Variants in NFASC observed in about 807,000 individuals in gnomAD.
The protein encoded by NFASC is neurofascin homolog.
Under a neutral mutation model 147.5 loss-of-function variants are expected in NFASC, and 43 were observed. The observed-to-expected ratio is 0.29, with a 90% CI of 0.23 to 0.38. NFASC has a LOEUF of 0.38. Ranked by LOEUF, NFASC falls within the 10% of genes least tolerant of loss-of-function variation. NFASC has a pLI of 1.00. For missense variants in NFASC, 1,320 were observed against 1,689.0 expected (o/e 0.78, Z 3.83); for synonymous variants, 622 against 665.5 (o/e 0.93, Z 1.01).
rs1414796256 is a variant in NFASC at position 204,941,224 on chromosome 1, T to A, written c.-90-3002T>A. 2.0e-5 allele frequency among the ~76,000 whole-genome samples: 3 copies of A among 152,218 alleles called. No homozygotes were observed. The South Asian group carries it at 6.2e-4, about 32-fold the overall frequency. On this transcript the variant is annotated intron_variant, in intron 2 of 29. Coordinates refer to ENST00000339876, the MANE Select transcript of NFASC (RefSeq NM_001005388.3). ...TCATCTGAAAAGAAAGGGGATTGGA[T>A]GAATCTAGTGTTCTTTAAATTCTTT...
intron 27 of NFASC, among the ~76,000 whole-genome samples, chr1:205,003,671 C>A (rs1471091511): frequency 6.6e-6 from 1 of 152,136 alleles, no homozygotes; most frequent in Non-Finnish European, 1.5e-5. Flanking sequence ...AGATGCAGGT[C>A]ATTAGATACA....
In NFASC at chr1:204,889,137, C is replaced by T. The variant is rs145557507; in HGVS notation, c.-199-31495C>T. The stretch of plus-strand genomic sequence containing the variant: ...CCTGTCTGCACAACCTCGAATTTCT[C>T]TTACCTGATTTCAGGGAATATTGTG... On this transcript the variant is annotated intron_variant, in intron 1 of 29. Coordinates refer to ENST00000339876, the MANE Select transcript of NFASC (RefSeq NM_001005388.3). Among the ~76,000 whole-genome samples, 114 of 152,328 alleles carry T rather than the reference C, an allele frequency of 7.5e-4. 1 individual carries two copies. Among genetic ancestry groups the T allele is most frequent in the South Asian group, 4.4e-3 (21 of 4,822 alleles).
rs192127437 is a variant in NFASC, at chr1:204,831,930, C to T, written c.-200+3148C>T. On this transcript the variant is annotated intron_variant, in intron 1 of 29. Transcript: ENST00000339876. Reference sequence around the variant, plus strand: ...ACAGATAAGCTTGAGCAAGAGCATCCGGATAGGGATGTTACACAGCGGGAT... The same window carrying T: ...ACAGATAAGCTTGAGCAAGAGCATCTGGATAGGGATGTTACACAGCGGGAT... Among the ~76,000 whole-genome samples, 168 of 152,242 alleles carry T rather than the reference C, an allele frequency of 1.1e-3. 1 individual carries two copies. The highest frequency in any genetic ancestry group is 4.6e-3 in the South Asian group (22 of 4,830).
At chr1:204,947,556 C>T (rs1036053895) in intron 3 of NFASC, among the ~76,000 whole-genome samples, 4 of 152,208 alleles carry the variant, frequency 2.6e-5, no homozygotes, top group African/African-American at 9.6e-5. Flanking sequence ...CATTGAAGGC[C>T]CAGCCTCCAG....
chr1:204,974,385 G>T, intron 13 of NFASC, 95 bp downstream of exon 13: 1 of 992,976 alleles, frequency 1.0e-6, no homozygotes, highest in Non-Finnish European at 1.6e-6. Context: ...GCAAGACCTG[G>T]GAATCTTAAA....
intron 7 of NFASC, among the ~76,000 whole-genome samples, chr1:204,955,193 G>A (rs908373150): frequency 2.0e-5 from 3 of 152,098 alleles, no homozygotes; most frequent in African/African-American, 7.2e-5. Flanking sequence ...ACATCTCTGG[G>A]CCTCAGTTTC....
intron 8 of NFASC, among the ~76,000 whole-genome samples, chr1:204,959,141 T>C (rs556753163): frequency 8.3e-4 from 126 of 152,138 alleles, no homozygotes; most frequent in Non-Finnish European, 1.6e-3. Context: ...CTCTTTCTTT[T>C]TCTTTCTTCT....
At chr1:204,994,726 G>C (rs2095810321) in intron 24 of NFASC, among the ~76,000 whole-genome samples, 1 of 152,164 alleles carries the variant, frequency 6.6e-6, no homozygotes, top group Admixed American at 6.5e-5. Context: ...CTTGATCTCG[G>C]CTCACTGCAA....
chr1:204,934,062 C>T (rs2092613510), intron 2 of NFASC, among the ~76,000 whole-genome samples: 1 of 147,642 alleles, frequency 6.8e-6, no homozygotes. Context: ...CACTTGAACC[C>T]AAGAGGCGGA....
intron 1 of NFASC, among the ~76,000 whole-genome samples, chr1:204,846,782 G>A (rs1677155494): frequency 6.6e-6 from 1 of 152,150 alleles, no homozygotes; most frequent in Admixed American, 6.5e-5. Context: ...CATCACCACT[G>A]GCTGTGTGGC....
chr1:204,861,771 G>T (rs1049602863), intron 1 of NFASC, among the ~76,000 whole-genome samples: 2 of 152,204 alleles, frequency 1.3e-5, no homozygotes, highest in Admixed American at 1.3e-4. Context: ...TTACAGGCGT[G>T]AGCCACCGCA....
chr1:204,857,916 C>CTTTTTTTTTTT (rs777663775), intron 1 of NFASC, among the ~76,000 whole-genome samples: 35 of 133,680 alleles, frequency 2.6e-4, no homozygotes, highest in East Asian at 8.1e-4. Flanking sequence ...CCTTCTTCTT[C>CTTTTTTTTTTT]TTCTTTTTTT....
At chr1:204,961,421 C>T (rs2094659205) in intron 8 of NFASC, among the ~76,000 whole-genome samples, 1 of 152,232 alleles carries the variant, frequency 6.6e-6, no homozygotes, top group East Asian at 1.9e-4. Context: ...AAAGCCTGAA[C>T]CTCAGGGATG....
In NFASC at chr1:204,920,279, G is replaced by A. The variant is rs904693135; in HGVS notation, c.-199-353G>A. Among the ~76,000 whole-genome samples the A allele has an allele frequency of 2.0e-5, 3 of 152,104 alleles. No individual in the cohort carries two copies. The East Asian group carries it at 5.8e-4, about 29-fold the overall frequency. On this transcript the variant is annotated intron_variant, in intron 1 of 29. Coordinates refer to ENST00000339876, the MANE Select transcript of NFASC (RefSeq NM_001005388.3). ...TAAAAAATTAATGAGATGATTATGG[G>A]TAAATTCTCCCCTGGTGGAGGAGAG... is the stretch of plus-strand genomic sequence containing the variant.
intron 4 of NFASC, among the ~76,000 whole-genome samples, chr1:204,951,507 C>T (rs35795620): frequency 0.037 from 5,290 of 142,578 alleles, 101 homozygotes; most frequent in Non-Finnish European, 0.049. Context: ...ATCGCTCTGT[C>T]GCCCAGGCTG....
At chr1:204,997,649 A>G in intron 25 of NFASC, 6 of 588,086 alleles carry the variant, frequency 1.0e-5, no homozygotes, top group Non-Finnish European at 1.8e-5. Context: ...TCCACCACTC[A>G]GTACCCCAAA....
At chr1:204,984,383 A>G (rs959073003) in intron 21 of NFASC, 650 of 10,906 alleles carry the variant, frequency 0.06, 10 homozygotes, top group African/African-American at 0.15. Flanking sequence ...ATATATACGC[A>G]TATATATATA....
chr1:204,954,451 G>A lies in NFASC; in HGVS notation c.412+67G>A. ...TAAATGGAGAGTGGGGGGTGTGGAA[G>A]GCCATTCCAGAAGGGCTGCCCCTGC... On this transcript the variant is annotated intron_variant, in intron 6 of 29. Transcript: ENST00000339876. The surrounding 1 kb of genome is among the most constrained non-coding windows in gnomAD (Gnocchi z 5.7). The A allele has an allele frequency of 6.7e-7, 1 of 1,490,634 alleles. No individual in the cohort carries two copies. The highest frequency in any genetic ancestry group is 1.4e-5 in the African/African-American group (1 of 72,246). 92.3% of individuals were successfully genotyped at this position (1,490,634 alleles called of 1,614,324 possible). A position where few individuals can be genotyped will look rare whatever the true frequency, so the allele number is the denominator to read the frequency against.
chr1:204,920,134 A>G (rs971033641), intron 1 of NFASC, among the ~76,000 whole-genome samples: 3 of 152,206 alleles, frequency 2.0e-5, no homozygotes, highest in Admixed American at 1.3e-4. Flanking sequence ...CTAGGATTTA[A>G]AATTTGCATC....
Sources: allele counts gnomAD v4.1 joint callset (sites outside exome capture counted in the v4.1 genomes callset), GRCh38; gene constraint gnomAD v4.1.1; non-coding constraint Gnocchi (gnomAD v3.1); transcripts MANE v1.5; gene names NCBI Gene and HGNC (gene_info 2026-07-23, HGNC 2026-07-21).